The following OTOF variants were observed in gnomAD, a reference collection of about 807,000 sequenced individuals.
OTOF encodes otoferlin, also known as fer-1-like family member 2.
OTOF carries 218 observed loss-of-function variants against 236.8 expected under a neutral mutation model. The ratio of observed to expected loss-of-function variants is 0.92; its 90% CI spans 0.82 to 1.03. The LOEUF is 1.03. Ranked by LOEUF, OTOF falls within the 50% of genes least tolerant of loss-of-function variation. The pLI is 0.00. For missense variants in OTOF, 2,590 were observed against 2,694.4 expected (o/e 0.96, Z 0.86); for synonymous variants, 1,041 against 1,072.5 (o/e 0.97, Z 0.57).
At position 26,460,233 on chromosome 2, in the gene OTOF, AG is replaced by A. The variant is rs1428375994; in HGVS notation, c.5814-29del. ...GGAGTATGAAGGGTAGAGAGCGCAG[AG>A]GAGGGACAGGGAGGAGAAGGGATTG... On this transcript the variant is annotated intron_variant, in intron 45 of 46. Transcript: ENST00000272371. The surrounding 1 kb of genome is among the most constrained non-coding windows in gnomAD (Gnocchi z 5.3). 1 of 1,570,926 alleles carries A rather than the reference AG, an allele frequency of 6.4e-7. No individual in the cohort carries two copies. The highest frequency in any genetic ancestry group is 8.7e-7 in the Non-Finnish European group (1 of 1,153,430).
chr2:26,549,369 G>A (rs1371335082), intron 1 of OTOF, among the ~76,000 whole-genome samples: 1 of 152,140 alleles, frequency 6.6e-6, no homozygotes, highest in Non-Finnish European at 1.5e-5. Flanking sequence ...TTGATGGCAT[G>A]GTAGAAGAAA....
intron 11 of OTOF, among the ~76,000 whole-genome samples, chr2:26,485,145 G>C (rs747857767): frequency 2.2e-4 from 34 of 152,182 alleles, no homozygotes; most frequent in Non-Finnish European, 4.3e-4. Context: ...GTTCCTCCTT[G>C]CTGAACAGGT....
Position 26,482,647 on chromosome 2 carries a change from A to AGTGGGTGCATG in OTOF, c.1393-56_1393-55insCATGCACCCAC, listed in dbSNP as rs1665571812. On this transcript the variant is annotated intron_variant, in intron 13 of 46. Coordinates refer to ENST00000272371, the MANE Select transcript of OTOF (RefSeq NM_194248.3). ...GTGGCATGTGTGTGTGAGTGGGTGC[A>AGTGGGTGCATG]TGTGTGTGTGTGTGAGTGGGCGCAT... The AGTGGGTGCATG allele has an allele frequency of 3.5e-6, 5 of 1,432,076 alleles. No homozygotes were observed. The African/African-American group carries it at 7.4e-5, about 21-fold the overall frequency. The allele number at this position is 1,432,076 out of a possible 1,614,324, so 88.7% of individuals were successfully genotyped here. A position where few individuals can be genotyped will look rare whatever the true frequency, so the allele number is the denominator to read the frequency against.
At chr2:26,544,698 C>G (rs140132296) in intron 1 of OTOF, among the ~76,000 whole-genome samples, 1 of 152,094 alleles carries the variant, frequency 6.6e-6, no homozygotes, top group East Asian at 1.9e-4. Context: ...GAGGAAATTC[C>G]TAAGAACAGA....
At position 26,463,490 on chromosome 2, in the gene OTOF, G is replaced by A. The variant is rs1230049995; in HGVS notation, c.5185C>T (p.Pro1729Ser). The A allele has an allele frequency of 6.2e-7, 1 of 1,602,590 alleles. No homozygotes were observed. Residue 1729 changes from proline to serine, a missense_variant, in exon 41 of 47, where the codon CCC becomes TCC. Pro to Ser is a moderately conservative substitution (Grantham distance 74). Around this residue, in one of 2 missense-constraint regions of OTOF, gnomAD observed 1,211 missense variants for 1,352.8 expected, o/e 0.90. Coordinates refer to ENST00000272371, the MANE Select transcript of OTOF (RefSeq NM_194248.3). ...GGGCCCCAGGCCGCTCACTTCTTGG[G>A]CTTCCGAGGTGAGATGTCCAGAGGC... Reference protein sequence around the residue: ...GTPLDISPRKPKKYELRVIIW... With the variant: ...GTPLDISPRKSKKYELRVIIW...
chr2:26,458,463 T>C (rs1433164260), intron 46 of OTOF, among the ~76,000 whole-genome samples: 1 of 152,246 alleles, frequency 6.6e-6, no homozygotes, highest in African/African-American at 2.4e-5. Context: ...GGGAGCTACT[T>C]GCAGCATGGG....
intron 5 of OTOF, among the ~76,000 whole-genome samples, chr2:26,514,148 G>C (rs899434966): frequency 6.6e-6 from 1 of 152,270 alleles, no homozygotes; most frequent in Non-Finnish European, 1.5e-5. Flanking sequence ...GGGAGAAGGT[G>C]TAGCAGCGAT....
At chr2:26,519,504 C>G (rs1158149415) in intron 3 of OTOF, among the ~76,000 whole-genome samples, 1 of 152,212 alleles carries the variant, frequency 6.6e-6, no homozygotes, top group East Asian at 1.9e-4. Context: ...CTTCTACCCG[C>G]CTAACCATGA....
At chr2:26,516,357 C>A in intron 5 of OTOF, 61 bp downstream of exon 5, 3 of 1,499,410 alleles carry the variant, frequency 2.0e-6, no homozygotes, top group Admixed American at 1.7e-5. Flanking sequence ...TAGGACCAGG[C>A]CCCAGGTCTC....
chr2:26,477,164 G>C lies in OTOF; in HGVS notation c.2523+8C>G. 1 of 1,608,220 alleles carries C rather than the reference G, an allele frequency of 6.2e-7. No homozygotes were observed. The highest frequency in any genetic ancestry group is 1.1e-5 in the South Asian group (1 of 90,626). Reference sequence around the variant, plus strand: ...GATGAGGCAAAGCCCCGACCCCTTGGGCCGCACCTCGTCCGCCAGGAAGCG... The same window carrying C: ...GATGAGGCAAAGCCCCGACCCCTTGCGCCGCACCTCGTCCGCCAGGAAGCG... On this transcript the variant is annotated splice_region_variant and intron_variant, in intron 21 of 46. Transcript: ENST00000272371. The surrounding 1 kb of genome is among the most constrained non-coding windows in gnomAD (Gnocchi z 4.7).
In OTOF at chr2:26,482,455, G is replaced by A. The variant is rs150452778; in HGVS notation, c.1530C>T (p.Ile510=). The change falls in exon 14 of 47, where the codon ATC becomes ATT. Residue 510 remains isoleucine (I), a synonymous_variant. Coordinates refer to ENST00000272371, the MANE Select transcript of OTOF (RefSeq NM_194248.3). ...RDSDKVNDVA[I]GTHFIDLRKI... is the part of the protein sequence containing the mutation. ...TGCGCAGGTCAATGAAGTGGGTGCCGATGGCCACGTCGTTGACCTTGTCCG... is the reference window on the plus strand; with the variant it reads ...TGCGCAGGTCAATGAAGTGGGTGCCAATGGCCACGTCGTTGACCTTGTCCG... 1,598 of 1,613,320 alleles carry A rather than the reference G, an allele frequency of 9.9e-4. No homozygotes were observed. The highest frequency in any genetic ancestry group is 1.2e-3 in the Non-Finnish European group (1,458 of 1,180,002).
intron 8 of OTOF, among the ~76,000 whole-genome samples, chr2:26,498,329 G>A (rs1666038591): frequency 6.6e-6 from 1 of 152,234 alleles, no homozygotes; most frequent in Admixed American, 6.5e-5. Flanking sequence ...CTGGTTGAAG[G>A]GCAGCCCCGA....
In OTOF at chr2:26,458,079, G is replaced by C; in HGVS notation, c.*159C>G. 1 of 1,614,194 alleles carries C rather than the reference G, an allele frequency of 6.2e-7. No homozygotes were observed. Among genetic ancestry groups the C allele is most frequent in the South Asian group, 1.1e-5 (1 of 91,092 alleles). On this transcript the variant is annotated 3_prime_UTR_variant, in exon 47 of 47. Transcript: ENST00000272371. ...GCTTTTTGACCATGTAGCCAGGGAG[G>C]CTGTAGAGGAAGAGCCCCAACATGA...
At chr2:26,495,182 G>T in intron 8 of OTOF, 109 bp from the exon 9 acceptor site, 1 of 1,054,788 alleles carries the variant, frequency 9.5e-7, no homozygotes, top group Non-Finnish European at 1.4e-6. Context: ...GGGCCCGGGA[G>T]CCAGCACTGG....
intron 4 of OTOF, among the ~76,000 whole-genome samples, chr2:26,517,435 T>G (rs116717466): frequency 1.3e-5 from 2 of 152,214 alleles, no homozygotes; most frequent in African/African-American, 4.8e-5. Flanking sequence ...CTAGGCATCA[T>G]GCTAAGATGC....
At chr2:26,555,328 G>T (rs1290272482) in intron 1 of OTOF, among the ~76,000 whole-genome samples, 2 of 152,148 alleles carry the variant, frequency 1.3e-5, no homozygotes, top group African/African-American at 4.8e-5. Context: ...ATAGAGATTC[G>T]CCCAGGACTC....
intron 46 of OTOF, among the ~76,000 whole-genome samples, chr2:26,458,913 C>T (rs777678064): frequency 1.3e-5 from 2 of 152,240 alleles, no homozygotes; most frequent in Non-Finnish European, 2.9e-5. Flanking sequence ...GGGTGCAGGG[C>T]ACCTGGTTTT....
intron 14 of OTOF, 93 bp from the exon 15 acceptor site, chr2:26,481,102 C>T (rs1220943434): frequency 1.6e-5 from 14 of 881,274 alleles, no homozygotes; most frequent in Non-Finnish European, 9.2e-6. Context: ...GCCTCCAGCT[C>T]CTGGGTGCTG....
At chr2:26,523,281 G>A (rs533249477) in intron 3 of OTOF, among the ~76,000 whole-genome samples, 17 of 152,388 alleles carry the variant, frequency 1.1e-4, no homozygotes, top group Non-Finnish European at 1.8e-4. Context: ...CCTGGACACA[G>A]GTCTTTGTTC....
Sources: gnomAD v4.1 joint callset for allele counts (sites outside exome capture counted in the v4.1 genomes callset) on GRCh38, gnomAD v4.1.1 for gene constraint, gnomAD v4.1.1 regional missense constraint, Gnocchi (gnomAD v3.1) non-coding constraint, MANE v1.5 for transcripts, NCBI Gene and HGNC (gene_info 2026-07-23, HGNC 2026-07-21) for gene names.